ADAM18: variants seen among roughly 807,000 people sequenced by gnomAD.
ADAM18 encodes ADAM metallopeptidase domain 18, also known as disintegrin and metalloproteinase domain-containing protein 18.
In ADAM18, 117 loss-of-function variants were observed where a neutral mutation model predicts 94.4. The observed-to-expected ratio is 1.24, with a 90% CI of 1.07 to 1.45. ADAM18 has a LOEUF of 1.45. Among genes scored for constraint, ADAM18 ranks in the 40% most tolerant of loss-of-function variants. The probability of loss-of-function intolerance (pLI) is 0.00; values close to 1 mark genes in which losing one functional copy is unlikely to be tolerated. For missense variants in ADAM18, 936 were observed against 880.0 expected (o/e 1.06, Z -0.81); for synonymous variants, 327 against 291.6 (o/e 1.12, Z -1.24).
In ADAM18 at chr8:39,725,848, A is replaced by G. The variant is rs578189124; in HGVS notation, c.2177+1941A>G. On this transcript the variant is annotated intron_variant, in intron 19 of 19. Transcript: ENST00000265707. Reference sequence around the variant, plus strand: ...GATATCTCTTCAAGGTCCTGATTTCAAGTCCTTTGAATTCATACCCAGAAG... The same window carrying G: ...GATATCTCTTCAAGGTCCTGATTTCGAGTCCTTTGAATTCATACCCAGAAG... Among the ~76,000 whole-genome samples the G allele has an allele frequency of 1.7e-4, 26 of 152,212 alleles. 1 individual carries two copies. The highest frequency in any genetic ancestry group is 6.0e-4 in the African/African-American group (25 of 41,538).
At chr8:39,702,287 G>A (rs554694989) in intron 17 of ADAM18, among the ~76,000 whole-genome samples, 1 of 152,088 alleles carries the variant, frequency 6.6e-6, no homozygotes, top group South Asian at 2.1e-4. Flanking sequence ...CTGCATGTAT[G>A]TCTTTTTTGA....
Position 39,692,620 on chromosome 8 carries a change from C to T in ADAM18, c.1842C>T (p.Cys614=). The T allele has an allele frequency of 6.2e-7, 1 of 1,603,508 alleles. No individual in the cohort carries two copies. Among genetic ancestry groups the T allele is most frequent in the Non-Finnish European group, 8.5e-7 (1 of 1,174,220 alleles). ...GPEMYCVNKT[C]RKVHLMGYNC... ...TTTAGTACTGTGTAAATAAAACCTG[C>T]AGAAAAGTTCATTTAATGGGATATA... Residue 614 remains cysteine (C), a synonymous_variant, in exon 17 of 20, where the codon TGC becomes TGT. Coordinates refer to ENST00000265707, the MANE Select transcript of ADAM18 (RefSeq NM_014237.3).
chr8:39,599,711 ATTC>A (rs1376765773), intron 2 of ADAM18, among the ~76,000 whole-genome samples: 1 of 152,076 alleles, frequency 6.6e-6, no homozygotes, highest in Non-Finnish European at 1.5e-5. Flanking sequence ...TTTATTGCAT[ATTC>A]TTATTATCCA....
chr8:39,614,975 C>T (rs1262740926), intron 6 of ADAM18, among the ~76,000 whole-genome samples: 1 of 152,114 alleles, frequency 6.6e-6, no homozygotes, highest in East Asian at 1.9e-4. Flanking sequence ...TGGAGACCTA[C>T]AAAGAGATGT....
chr8:39,719,176 A>T (rs1822673133), intron 18 of ADAM18, among the ~76,000 whole-genome samples: 1 of 151,470 alleles, frequency 6.6e-6, no homozygotes, highest in African/African-American at 2.4e-5. Flanking sequence ...AACCAGAAAT[A>T]GACATGCAAA....
chr8:39,704,236 C>T (rs956265902), intron 17 of ADAM18, among the ~76,000 whole-genome samples: 1 of 152,144 alleles, frequency 6.6e-6, no homozygotes, highest in African/African-American at 2.4e-5. Flanking sequence ...ATACCAAAAT[C>T]TGGCAGACAC....
rs542320628 is a variant in ADAM18, at chr8:39,659,845, C to T, written c.1231-3950C>T. Among the ~76,000 whole-genome samples, 17 of 151,960 alleles carry T rather than the reference C, an allele frequency of 1.1e-4. No individual in the cohort carries two copies. The South Asian group carries it at 3.1e-3, about 28-fold the overall frequency. On this transcript the variant is annotated intron_variant, in intron 12 of 19. Transcript: ENST00000265707. The stretch of plus-strand genomic sequence containing the variant: ...ATCATGCTGAAAATAATTATAGATA[C>T]CAAAAAATCTGAAAATAAACGTGTA...
chr8:39,688,625 A>G (rs191922637), intron 16 of ADAM18, among the ~76,000 whole-genome samples: 8 of 152,106 alleles, frequency 5.3e-5, no homozygotes, highest in African/African-American at 9.6e-5. Context: ...TCTTTATCCA[A>G]TCTGTCATTG....
intron 3 of ADAM18, 151 bp downstream of exon 3, chr8:39,606,513 G>T: frequency 8.4e-6 from 4 of 478,030 alleles, no homozygotes; most frequent in South Asian, 4.2e-5. Flanking sequence ...GGATTCATTA[G>T]GTTTTGAATA....
At chr8:39,704,288 C>T (rs77855503) in intron 17 of ADAM18, among the ~76,000 whole-genome samples, 1 of 152,074 alleles carries the variant, frequency 6.6e-6, no homozygotes, top group South Asian at 2.1e-4. Context: ...CTTGCATGAA[C>T]ATCGATGCAA....
intron 17 of ADAM18, among the ~76,000 whole-genome samples, chr8:39,704,980 G>A (rs1822199357): frequency 6.6e-6 from 1 of 152,080 alleles, no homozygotes; most frequent in Non-Finnish European, 1.5e-5. Flanking sequence ...ATATATATGT[G>A]AGAAAAATGC....
intron 14 of ADAM18, among the ~76,000 whole-genome samples, chr8:39,673,661 C>T (rs987089129): frequency 6.6e-6 from 1 of 152,110 alleles, no homozygotes; most frequent in South Asian, 2.1e-4. Context: ...TTGCCTTTTG[C>T]TAGCTTTTGA....
chr8:39,699,582 G>A (rs554160607), intron 17 of ADAM18, among the ~76,000 whole-genome samples: 1 of 151,894 alleles, frequency 6.6e-6, no homozygotes, highest in African/African-American at 2.4e-5. Context: ...TAGAATTTTG[G>A]GGGCTAATAT....
At chr8:39,634,888 G>A (rs946141082) in intron 7 of ADAM18, among the ~76,000 whole-genome samples, 11 of 152,130 alleles carry the variant, frequency 7.2e-5, no homozygotes, top group African/African-American at 1.4e-4. Flanking sequence ...TATTTTGTAC[G>A]TGAGAATGAC....
Sources: gnomAD v4.1 joint callset for allele counts (sites outside exome capture counted in the v4.1 genomes callset) on GRCh38, gnomAD v4.1.1 for gene constraint, MANE v1.5 for transcripts, NCBI Gene and HGNC (gene_info 2026-07-23, HGNC 2026-07-21) for gene names.